The following MKLN1 variants were observed in gnomAD, a reference collection of about 807,000 sequenced individuals.
MKLN1 encodes the protein muskelin 1.
A neutral mutation model predicts 99.0 loss-of-function variants in MKLN1; 18 were observed. The observed-to-expected ratio is 0.18, with a 90% CI of 0.13 to 0.27. The LOEUF is 0.27. MKLN1 is among the 10% of genes least tolerant of loss of function. MKLN1 has a pLI of 1.00. For synonymous variants in MKLN1, 288 were observed against 293.2 expected (o/e 0.98, Z 0.18); for missense variants, 621 against 875.9 (o/e 0.71, Z 3.67).
chr7:131,192,130 TAAA>T lies in MKLN1; in HGVS notation c.-296-10724_-296-10722del, dbSNP rs1200054583. On this transcript the variant is annotated intron_variant, in intron 2 of 7. Transcript: ENST00000416992. ...TATATTATATATATACGTATATATA[TAAA>T]AATATATATACGTATATATACATAT... 2.4e-3 allele frequency among the ~76,000 whole-genome samples: 198 copies of T among 84,096 alleles called. 16 individuals are homozygous for T. The highest frequency in any genetic ancestry group is 8.1e-3 in the African/African-American group (135 of 16,700). 55.2% of individuals were successfully genotyped at this position (84,096 alleles called of 152,430 possible). A position where few individuals can be genotyped will look rare whatever the true frequency, so the allele number is the denominator to read the frequency against.
At chr7:131,295,898 A>AC (rs397700561) in intron 3 of MKLN1, among the ~76,000 whole-genome samples, 1 of 151,464 alleles carries the variant, frequency 6.6e-6, no homozygotes, top group Non-Finnish European at 1.5e-5. Flanking sequence ...AAAAAAAAAA[A>AC]GGAAAAAACA....
chr7:131,454,731 A>G (rs1037348185), intron 12 of MKLN1, among the ~76,000 whole-genome samples: 8 of 152,216 alleles, frequency 5.3e-5, no homozygotes, highest in African/African-American at 1.9e-4. Flanking sequence ...GGCCAATGAG[A>G]CATAAAGAAA....
At position 131,488,347 on chromosome 7, in the gene MKLN1, T is replaced by G. The variant is rs1475708242; in HGVS notation, c.*619T>G. ...GTAGGCAGAACTGAGGTCTCAAGTT[T>G]GCACTCTTGGCCATAGAACTAAAAA... On this transcript the variant is annotated 3_prime_UTR_variant, in exon 18 of 18. Coordinates refer to ENST00000352689, the MANE Select transcript of MKLN1 (RefSeq NM_013255.5). The G allele has an allele frequency of 6.6e-6, 1 of 152,216 alleles. No individual in the cohort carries two copies. The highest frequency in any genetic ancestry group is 2.4e-5 in the African/African-American group (1 of 41,440). The allele number at this position is 152,216 out of a possible 1,614,324, so 9.4% of individuals were successfully genotyped here.
chr7:131,189,669 A>C (rs1354066362), intron 2 of MKLN1, among the ~76,000 whole-genome samples: 4 of 152,116 alleles, frequency 2.6e-5, no homozygotes, highest in African/African-American at 7.2e-5. Flanking sequence ...TTATACTCAG[A>C]CTTCGTGGAG....
intron 2 of MKLN1, among the ~76,000 whole-genome samples, chr7:131,163,799 C>T (rs550962764): frequency 6.6e-6 from 1 of 152,326 alleles, no homozygotes; most frequent in African/African-American, 2.4e-5. Context: ...ATCATTAATG[C>T]TAACGATTAC....
intron 8 of MKLN1, among the ~76,000 whole-genome samples, chr7:131,418,630 G>A (rs1795098192): frequency 6.6e-6 from 1 of 152,228 alleles, no homozygotes; most frequent in Admixed American, 6.5e-5. Flanking sequence ...GAGATAAGTG[G>A]TAGTAGAGCC....
intron 3 of MKLN1, among the ~76,000 whole-genome samples, chr7:131,255,614 T>C (rs1006240007): frequency 6.6e-6 from 1 of 152,190 alleles, no homozygotes; most frequent in Admixed American, 6.5e-5. Flanking sequence ...AGTCTCGCTC[T>C]GTTGCCCAGG....
At chr7:131,292,936 T>C (rs73722803) in intron 3 of MKLN1, among the ~76,000 whole-genome samples, 4,067 of 152,330 alleles carry the variant, frequency 0.027, 167 homozygotes, top group African/African-American at 0.093. Context: ...CAACCCGACA[T>C]TGTATATCTC....
intron 3 of MKLN1, among the ~76,000 whole-genome samples, chr7:131,262,627 T>C (rs1349006786): frequency 1.3e-5 from 2 of 151,928 alleles, no homozygotes; most frequent in Non-Finnish European, 2.9e-5. Flanking sequence ...CTCCGCTCAC[T>C]GCAACCTCCA....
In MKLN1 at chr7:131,113,855, A is replaced by T. The variant is rs2082726; in HGVS notation, c.-419+3648A>T. ...GGGGAAGCAGCCACCTTCACAAGGC[A>T]GCAGGAGAGAGAGAGCTTGCGGGGG... On this transcript the variant is annotated intron_variant, in intron 1 of 7. Coordinates refer to the MKLN1 transcript ENST00000416992. Among the ~76,000 whole-genome samples the T allele has an allele frequency of 3.3e-5, 5 of 151,968 alleles. No homozygotes were observed. In the South Asian group the frequency reaches 1.0e-3, roughly 32 times the overall value.
chr7:131,173,865 A>G (rs1350180703), intron 2 of MKLN1, among the ~76,000 whole-genome samples: 14 of 151,950 alleles, frequency 9.2e-5, no homozygotes, highest in Non-Finnish European at 4.4e-5. Flanking sequence ...ACAAAACAAC[A>G]TAGTCTTCAT....
At chr7:131,406,457 C>G (rs1794710187) in intron 6 of MKLN1, among the ~76,000 whole-genome samples, 2 of 151,910 alleles carry the variant, frequency 1.3e-5, no homozygotes, top group Admixed American at 1.3e-4. Context: ...ATTCATTATT[C>G]TATTGTTGTC....
At chr7:131,467,565 A>G (rs1345676360) in intron 15 of MKLN1, among the ~76,000 whole-genome samples, 1 of 152,148 alleles carries the variant, frequency 6.6e-6, no homozygotes, top group Non-Finnish European at 1.5e-5. Context: ...GGTAATAGTC[A>G]AGGCTCTGAA....
chr7:131,443,965 C>T (rs1795919360), intron 11 of MKLN1, among the ~76,000 whole-genome samples: 1 of 152,130 alleles, frequency 6.6e-6, no homozygotes, highest in South Asian at 2.1e-4. Context: ...AGCTATGTTC[C>T]TTTCTTATGC....
chr7:131,330,261 T>TAATATG (rs1394237055), intron 1 of MKLN1, among the ~76,000 whole-genome samples: 2 of 152,230 alleles, frequency 1.3e-5, no homozygotes, highest in Admixed American at 6.5e-5. Flanking sequence ...TTAAGGTACT[T>TAATATG]CTTAAACAGG....
chr7:131,250,561 G>T (rs1200191133), intron 3 of MKLN1, among the ~76,000 whole-genome samples: 1 of 152,194 alleles, frequency 6.6e-6, no homozygotes, highest in Admixed American at 6.5e-5. Context: ...GGAGTGAGTA[G>T]GAGGGCTGAT....
chr7:131,273,917 T>C (rs1391425731), intron 3 of MKLN1, among the ~76,000 whole-genome samples: 1 of 152,222 alleles, frequency 6.6e-6, no homozygotes, highest in Non-Finnish European at 1.5e-5. Context: ...GACACTTTAA[T>C]ATCACTATCT....
intron 3 of MKLN1, among the ~76,000 whole-genome samples, chr7:131,238,995 G>A (rs1352188926): frequency 6.6e-6 from 1 of 152,044 alleles, no homozygotes; most frequent in African/African-American, 2.4e-5. Context: ...GAATTTAGTT[G>A]AGCTGTTTTC....
chr7:131,219,067 A>G (rs1350164105), intron 3 of MKLN1, among the ~76,000 whole-genome samples: 2 of 152,180 alleles, frequency 1.3e-5, no homozygotes. Context: ...AGGAGAAATG[A>G]GAGTTGTTTA....
Sources: gnomAD v4.1 joint callset for allele counts (sites outside exome capture counted in the v4.1 genomes callset) on GRCh38, gnomAD v4.1.1 for gene constraint, MANE v1.5 for transcripts, NCBI Gene and HGNC (gene_info 2026-07-23, HGNC 2026-07-21) for gene names.